Variants in TAFA1 observed in about 807,000 individuals in gnomAD.
The protein encoded by TAFA1 is chemokine-like protein TAFA-1.
Under a neutral mutation model 18.5 loss-of-function variants are expected in TAFA1, and 4 were observed. The observed-to-expected ratio is 0.22, with a 90% CI of 0.11 to 0.49. The LOEUF is 0.49. TAFA1 is among the 20% of genes least tolerant of loss of function. The pLI, the probability that TAFA1 is intolerant of heterozygous loss-of-function variation, is 0.98. For synonymous variants in TAFA1, 56 were observed against 55.2 expected, an observed-to-expected ratio of 1.01 and a Z score of -0.06; for missense variants, 147 against 169.0, an observed-to-expected ratio of 0.87 and a Z score of 0.72.
At chr3:68,204,394 GCAACCCCAGAAAAATTAGTTTAACCTTC>G (rs1405752325) in intron 2 of TAFA1, among the ~76,000 whole-genome samples, 1 of 151,816 alleles carries the variant, frequency 6.6e-6, no homozygotes, top group African/African-American at 2.4e-5. Context: ...CTTTTGGTTA[GCAACCCCAGAAAAATTAGTTTAACCTTC>G]CAACCCCTTT....
chr3:68,373,835 G>A (rs1575814271), intron 2 of TAFA1, among the ~76,000 whole-genome samples: 3 of 152,164 alleles, frequency 2.0e-5, no homozygotes, highest in Admixed American at 2.0e-4. Flanking sequence ...GAAGACTTGG[G>A]TCACTCTGCC....
chr3:68,061,140 C>G (rs2064597164), intron 2 of TAFA1, among the ~76,000 whole-genome samples: 1 of 152,110 alleles, frequency 6.6e-6, no homozygotes, highest in African/African-American at 2.4e-5. Flanking sequence ...TGAAACTTCC[C>G]CGTGGAAAGC....
chr3:68,477,989 A>G (rs2072136709), intron 3 of TAFA1, among the ~76,000 whole-genome samples: 1 of 152,126 alleles, frequency 6.6e-6, no homozygotes, highest in Non-Finnish European at 1.5e-5. Context: ...TATTCATGAG[A>G]GATTTGGAGC....
At chr3:68,421,435 G>C (rs902370447) in intron 3 of TAFA1, among the ~76,000 whole-genome samples, 1 of 152,064 alleles carries the variant, frequency 6.6e-6, no homozygotes, top group Non-Finnish European at 1.5e-5. Flanking sequence ...ATCTCTAAAT[G>C]AAAATTAAAT....
intron 2 of TAFA1, among the ~76,000 whole-genome samples, chr3:68,305,446 TATATATATATAG>T (rs1455869975): frequency 1.2e-4 from 14 of 116,014 alleles, no homozygotes; most frequent in African/African-American, 3.2e-4. Context: ...TATATATATA[TATATATATATAG>T]GTAGAAGGGG....
chr3:68,342,735 G>A (rs1288716469), intron 2 of TAFA1, among the ~76,000 whole-genome samples: 7 of 151,966 alleles, frequency 4.6e-5, no homozygotes, highest in Admixed American at 6.6e-5. Flanking sequence ...TCCATTATTG[G>A]TATTATGCTG....
In TAFA1 at chr3:68,260,382, T is replaced by C. The variant is rs1034680517; in HGVS notation, c.119-156898T>C. Among the ~76,000 whole-genome samples, 71 of 152,234 alleles carry C rather than the reference T, an allele frequency of 4.7e-4. 1 individual carries two copies. The highest frequency in any genetic ancestry group is 1.5e-3 in the African/African-American group (62 of 41,520). On this transcript the variant is annotated intron_variant, in intron 2 of 4. Transcript: ENST00000478136. ...TTTTTGCATCAATGTTCATCAAGGA[T>C]ATTGGTCTAAAATTCTCTTTTTTGG...
chr3:68,120,791 T>C (rs1222980103), intron 2 of TAFA1, among the ~76,000 whole-genome samples: 1 of 152,162 alleles, frequency 6.6e-6, no homozygotes, highest in African/African-American at 2.4e-5. Context: ...AAACCTATGG[T>C]AGGGGATCTC....
At chr3:68,426,157 A>T (rs1182047478) in intron 3 of TAFA1, among the ~76,000 whole-genome samples, 1 of 152,004 alleles carries the variant, frequency 6.6e-6, no homozygotes, top group Non-Finnish European at 1.5e-5. Context: ...AGAAATATAC[A>T]TCAAAACATC....
At chr3:68,352,800 G>A (rs945397542) in intron 2 of TAFA1, among the ~76,000 whole-genome samples, 14 of 151,978 alleles carry the variant, frequency 9.2e-5, no homozygotes, top group African/African-American at 3.4e-4. Flanking sequence ...TGGGGACACT[G>A]GTGATTAGAG....
At chr3:68,169,000 A>G (rs928142533) in intron 2 of TAFA1, among the ~76,000 whole-genome samples, 1 of 152,228 alleles carries the variant, frequency 6.6e-6, no homozygotes, top group African/African-American at 2.4e-5. Flanking sequence ...CTATTCTTTA[A>G]GGAATGGTCA....
At chr3:68,313,283 G>A (rs1167612096) in intron 2 of TAFA1, among the ~76,000 whole-genome samples, 1 of 152,180 alleles carries the variant, frequency 6.6e-6, no homozygotes, top group African/African-American at 2.4e-5. Flanking sequence ...TTTTGAAAGT[G>A]TAACATTGTC....
chr3:68,275,350 A>G (rs1288893578), intron 2 of TAFA1, among the ~76,000 whole-genome samples: 1 of 152,050 alleles, frequency 6.6e-6, no homozygotes, highest in East Asian at 1.9e-4. Flanking sequence ...AATAAAGGAG[A>G]GATGTCCAAA....
At chr3:68,432,026 C>T (rs141830602) in intron 3 of TAFA1, among the ~76,000 whole-genome samples, 1 of 152,110 alleles carries the variant, frequency 6.6e-6, no homozygotes, top group African/African-American at 2.4e-5. Flanking sequence ...TTACAGGTAA[C>T]ACCAGTAGTT....
intron 2 of TAFA1, among the ~76,000 whole-genome samples, chr3:68,320,923 T>A (rs1000850208): frequency 8.5e-5 from 13 of 152,266 alleles, no homozygotes; most frequent in Admixed American, 7.8e-4. Flanking sequence ...GAGAAGGTGC[T>A]AAGGAGGCGC....
chr3:68,405,095 C>A lies in TAFA1; in HGVS notation c.119-12185C>A, dbSNP rs116772683. The stretch of plus-strand genomic sequence containing the variant: ...TTAGAAGTGATGGATTCAGAGTCAT[C>A]ATATTGCAGTGTCTGCTTTTTTGTT... On this transcript the variant is annotated intron_variant, in intron 2 of 4. Transcript: ENST00000478136. Among the ~76,000 whole-genome samples the A allele has an allele frequency of 9.6e-3, 1,459 of 152,238 alleles. 20 individuals carry two copies. The highest frequency in any genetic ancestry group is 0.031 in the African/African-American group (1,273 of 41,548).
intron 2 of TAFA1, among the ~76,000 whole-genome samples, chr3:68,413,121 T>C (rs985017063): frequency 6.6e-6 from 1 of 152,210 alleles, no homozygotes; most frequent in Admixed American, 6.5e-5. Context: ...ATTTCTCTGA[T>C]GGCCAGTGAT....
At chr3:68,047,530 T>C (rs1184714704) in intron 2 of TAFA1, among the ~76,000 whole-genome samples, 1 of 152,142 alleles carries the variant, frequency 6.6e-6, no homozygotes, top group Non-Finnish European at 1.5e-5. Context: ...ATTCTTTCTT[T>C]TGGAAATGCC....
chr3:68,448,632 C>T (rs1033304523), intron 3 of TAFA1, among the ~76,000 whole-genome samples: 3 of 151,738 alleles, frequency 2.0e-5, no homozygotes, highest in Non-Finnish European at 2.9e-5. Flanking sequence ...TATTTAAGGC[C>T]ACAGACCCTG....
Sources: allele counts gnomAD v4.1 joint callset (sites outside exome capture counted in the v4.1 genomes callset), GRCh38; gene constraint gnomAD v4.1.1; transcripts MANE v1.5; gene names NCBI Gene and HGNC (gene_info 2026-07-23, HGNC 2026-07-21).